CAMKMT: variants seen among roughly 807,000 people sequenced by gnomAD.
CAMKMT encodes the protein calmodulin-lysine N-methyltransferase.
In CAMKMT, 53 loss-of-function variants were observed where a neutral mutation model predicts 48.0. The ratio of observed to expected loss-of-function variants is 1.10; its 90% CI spans 0.89 to 1.39. The LOEUF (loss-of-function observed/expected upper bound fraction) is 1.39. CAMKMT is among the 40% of genes most tolerant of loss of function. The pLI, the probability that CAMKMT is intolerant of heterozygous loss-of-function variation, is 0.00. For missense variants in CAMKMT, 428 were observed against 402.7 expected (o/e 1.06, Z -0.54); for synonymous variants, 165 against 152.3 (o/e 1.08, Z -0.61).
At chr2:44,753,976 G>A in intron 8 of CAMKMT, 79 bp from the exon 9 acceptor site, 2 of 991,556 alleles carry the variant, frequency 2.0e-6, no homozygotes, top group Non-Finnish European at 3.2e-6. Flanking sequence ...TGTGTAATTA[G>A]CCTTGTACTT....
At chr2:44,771,773 C>T (rs17032580) in intron 10 of CAMKMT, among the ~76,000 whole-genome samples, 2,979 of 152,208 alleles carry the variant, frequency 0.02, 78 homozygotes, top group African/African-American at 0.068. Context: ...TCAAGTGCCT[C>T]ACAGTTTATA....
intron 3 of CAMKMT, among the ~76,000 whole-genome samples, chr2:44,392,751 A>C (rs182354701): frequency 1.3e-5 from 2 of 152,164 alleles, no homozygotes; most frequent in Admixed American, 1.3e-4. Context: ...TTAATTTTTA[A>C]AAATATCAGT....
rs1436001523 is a variant in CAMKMT at position 44,653,278 on chromosome 2, G to A, written c.377-51005G>A. ...GAGCTCCTCTTCACAAGGCAGGTGT[G>A]GGACAAGTGTTGTTGGCTAAGTACT... On this transcript the variant is annotated intron_variant, in intron 3 of 10. Coordinates refer to ENST00000378494, the MANE Select transcript of CAMKMT (RefSeq NM_024766.5). The surrounding 1 kb of genome is among the most constrained non-coding windows in gnomAD (Gnocchi z 5.2). 6.6e-6 allele frequency among the ~76,000 whole-genome samples: 1 copy of A among 152,132 alleles called. No individual in the cohort carries two copies. Among genetic ancestry groups the A allele is most frequent in the African/African-American group, 2.4e-5 (1 of 41,418 alleles).
At chr2:44,543,054 A>G (rs10178209) in intron 3 of CAMKMT, among the ~76,000 whole-genome samples, 68,047 of 152,060 alleles carry the variant, frequency 0.45, 17,417 homozygotes, top group Non-Finnish European at 0.58. Flanking sequence ...GTTTACTAGT[A>G]TCTTTAACTA....
intron 3 of CAMKMT, among the ~76,000 whole-genome samples, chr2:44,526,130 A>G (rs887343679): frequency 6.6e-6 from 1 of 151,170 alleles, no homozygotes; most frequent in African/African-American, 2.4e-5. Context: ...TCAGGAAACT[A>G]TCACAAGGAC....
intron 3 of CAMKMT, among the ~76,000 whole-genome samples, chr2:44,478,362 A>T (rs1040540084): frequency 5.9e-5 from 9 of 152,160 alleles, no homozygotes; most frequent in Non-Finnish European, 1.2e-4. Flanking sequence ...AGCCTTTGCA[A>T]TATCATCAGT....
chr2:44,384,589 G>A (rs1218970581), intron 2 of CAMKMT, among the ~76,000 whole-genome samples: 1 of 142,632 alleles, frequency 7.0e-6, no homozygotes, highest in Non-Finnish European at 1.5e-5. Flanking sequence ...TTTTTCCAAT[G>A]TTATCTTCTA....
intron 3 of CAMKMT, among the ~76,000 whole-genome samples, chr2:44,545,989 A>T (rs1028004909): frequency 6.6e-6 from 1 of 152,104 alleles, no homozygotes; most frequent in Non-Finnish European, 1.5e-5. Context: ...TTTAAGTAAG[A>T]CTAAAGAATA....
intron 3 of CAMKMT, among the ~76,000 whole-genome samples, chr2:44,575,302 C>G (rs562786959): frequency 6.6e-6 from 1 of 151,992 alleles, no homozygotes; most frequent in Non-Finnish European, 1.5e-5. Context: ...TGATCTTGAA[C>G]TCCCGACCTC....
intron 3 of CAMKMT, among the ~76,000 whole-genome samples, chr2:44,537,829 T>A (rs1468854728): frequency 4.6e-5 from 7 of 152,192 alleles, no homozygotes; most frequent in Non-Finnish European, 8.8e-5. Flanking sequence ...TCCCAAAGTG[T>A]TGGGATCACA....
At chr2:44,381,654 G>T (rs1267708650) in intron 2 of CAMKMT, among the ~76,000 whole-genome samples, 1 of 152,122 alleles carries the variant, frequency 6.6e-6, no homozygotes, top group African/African-American at 2.4e-5. Context: ...CATATTATGG[G>T]ATATTACTTA....
intron 3 of CAMKMT, among the ~76,000 whole-genome samples, chr2:44,524,856 T>C (rs1191562448): frequency 1.3e-5 from 2 of 152,170 alleles, no homozygotes; most frequent in African/African-American, 2.4e-5. Flanking sequence ...GGTTAAATCA[T>C]TGAATGGCTT....
intron 3 of CAMKMT, among the ~76,000 whole-genome samples, chr2:44,536,833 A>G (rs1238556738): frequency 1.3e-5 from 2 of 152,032 alleles, no homozygotes. Flanking sequence ...CCAATGGAAC[A>G]GAATAGAGAA....
chr2:44,428,221 G>A (rs555386265), intron 3 of CAMKMT, among the ~76,000 whole-genome samples: 49 of 152,260 alleles, frequency 3.2e-4, no homozygotes, highest in Admixed American at 2.8e-3. Context: ...ATTGAGTGGT[G>A]GAAGTGGCTC....
chr2:44,399,204 G>T (rs547204140), intron 3 of CAMKMT, among the ~76,000 whole-genome samples: 1 of 152,098 alleles, frequency 6.6e-6, no homozygotes, highest in African/African-American at 2.4e-5. Flanking sequence ...TCAGACTTCT[G>T]TATCACTTAA....
At chr2:44,588,210 C>G (rs1669998595) in intron 3 of CAMKMT, among the ~76,000 whole-genome samples, 1 of 121,250 alleles carries the variant, frequency 8.2e-6, no homozygotes, top group African/African-American at 3.1e-5. Flanking sequence ...GGCAACCGCC[C>G]CGTCTGAGAA....
intron 7 of CAMKMT, among the ~76,000 whole-genome samples, chr2:44,726,288 T>C (rs1270384436): frequency 2.0e-5 from 3 of 152,152 alleles, no homozygotes; most frequent in African/African-American, 4.8e-5. Flanking sequence ...CTCGCCAGCA[T>C]CTATTGTATC....
At chr2:44,764,975 C>A (rs1680776780) in intron 9 of CAMKMT, among the ~76,000 whole-genome samples, 1 of 152,070 alleles carries the variant, frequency 6.6e-6, no homozygotes, top group South Asian at 2.1e-4. Flanking sequence ...GTAATCCCAG[C>A]ACTTTGGGAG....
At position 44,535,400 on chromosome 2, in the gene CAMKMT, C is replaced by G. The variant is rs528985547; in HGVS notation, c.376+145095C>G. Among the ~76,000 whole-genome samples the G allele has an allele frequency of 3.9e-5, 6 of 152,262 alleles. No homozygotes were observed. The East Asian group carries it at 1.2e-3, about 29-fold the overall frequency. ...GACTTGTTCTATGAGGCCAGCATTA[C>G]CCTGATAACAAAACCAGTCAAGAAC... On this transcript the variant is annotated intron_variant, in intron 3 of 10. Coordinates refer to ENST00000378494, the MANE Select transcript of CAMKMT (RefSeq NM_024766.5).
Sources: allele counts gnomAD v4.1 joint callset (sites outside exome capture counted in the v4.1 genomes callset), GRCh38; gene constraint gnomAD v4.1.1; non-coding constraint Gnocchi (gnomAD v3.1); transcripts MANE v1.5; gene names NCBI Gene and HGNC (gene_info 2026-07-23, HGNC 2026-07-21).